The following KIF27 variants were observed in gnomAD, a reference collection of about 807,000 sequenced individuals.
KIF27 encodes the protein kinesin-like protein KIF27.
Under a neutral mutation model 141.8 loss-of-function variants are expected in KIF27, and 84 were observed. The observed-to-expected ratio is 0.59, with a 90% CI of 0.50 to 0.71. KIF27 has a LOEUF of 0.71. Among genes scored for constraint, KIF27 ranks in the 30% least tolerant of loss-of-function variants. The pLI, the probability that KIF27 is intolerant of heterozygous loss-of-function variation, is 0.00. For synonymous variants in KIF27, 471 were observed against 569.5 expected, an observed-to-expected ratio of 0.83 and a Z score of 2.46; for missense variants, 1,306 against 1,628.4, an observed-to-expected ratio of 0.80 and a Z score of 3.41.
At chr9:83,839,504 G>A (rs1403108119) in intron 17 of KIF27, among the ~76,000 whole-genome samples, 1 of 152,196 alleles carries the variant, frequency 6.6e-6, no homozygotes, top group Admixed American at 6.5e-5. Flanking sequence ...ATATAAAACT[G>A]ATTTTATCCT....
Position 83,915,399 on chromosome 9 carries a change from T to C in KIF27, c.193A>G (p.Ile65Val), listed in dbSNP as rs148934176. 26 of 1,613,766 alleles carry C rather than the reference T, an allele frequency of 1.6e-5. 2 individuals are homozygous for C. The African/African-American group carries it at 1.7e-4, about 11-fold the overall frequency. ...STQDEVYNTC[I>V]KPLVLSLIEG... Reference sequence around the variant, plus strand: ...ATGAGTGACAACACTAGGGGCTTTATACATGTGTTATAAACTTCATCTTGA... The same window carrying C: ...ATGAGTGACAACACTAGGGGCTTTACACATGTGTTATAAACTTCATCTTGA... Residue 65 changes from isoleucine to valine, a missense_variant, in exon 2 of 18, where the codon ATA becomes GTA. Physicochemically the swap from Ile to Val is conservative, Grantham distance 29. This residue lies in a region of KIF27 where 533 missense variants were observed against 565.6 expected (regional missense o/e 0.94). Transcript: ENST00000297814.
intron 16 of KIF27, chr9:83,849,445 T>C (rs1361106455): frequency 6.6e-6 from 1 of 152,256 alleles, no homozygotes; most frequent in Non-Finnish European, 1.5e-5. Flanking sequence ...GCAGCCTGAA[T>C]TGAAGGAGTA....
At chr9:83,915,193 T>C (rs573288338) in intron 2 of KIF27, 101 bp downstream of exon 2, 2 of 877,336 alleles carry the variant, frequency 2.3e-6, no homozygotes, top group Non-Finnish European at 3.5e-6. Context: ...TCCTTCACTA[T>C]TCAATCAATA....
In KIF27 at chr9:83,903,833, ATC is replaced by A; in HGVS notation, c.683_684del (p.Gly228ValfsTer31). 6.2e-7 allele frequency: 1 copy of A among 1,614,120 alleles called. No homozygotes were observed. Among genetic ancestry groups the A allele is most frequent in the Middle Eastern group, 1.6e-4 (1 of 6,062 alleles). On this transcript the variant is annotated frameshift_variant, in exon 4 of 18. Transcript: ENST00000297814. LOFTEE classifies it high-confidence loss of function. ...VHKNMEAAEDGSWYSPRHIVS... is the reference protein window; with the variant it reads ...VHKNMEAAEDXSWYSPRHIVS... ...ACAATATGCCGAGGGGAATACCATG[ATC>A]CATCTTCAGCTGCCTCCATATTTTT...
At chr9:83,852,516 C>A (rs1948728009) in intron 15 of KIF27, among the ~76,000 whole-genome samples, 1 of 151,996 alleles carries the variant, frequency 6.6e-6, no homozygotes, top group South Asian at 2.1e-4. Flanking sequence ...TCCAAACATG[C>A]AGCAATAGGA....
At chr9:83,904,763 C>T (rs1366188979) in intron 3 of KIF27, among the ~76,000 whole-genome samples, 2 of 151,120 alleles carry the variant, frequency 1.3e-5, no homozygotes, top group African/African-American at 2.4e-5. Context: ...AAAAGGCATT[C>T]GTTTTTTTTT....
intron 16 of KIF27, among the ~76,000 whole-genome samples, chr9:83,847,004 G>A (rs930495361): frequency 4.6e-5 from 7 of 152,106 alleles, no homozygotes; most frequent in African/African-American, 1.7e-4. Flanking sequence ...GATCCATTAG[G>A]GCGTCGCTTA....
Position 83,889,974 on chromosome 9 carries a change from G to C in KIF27, c.1810-721C>G, listed in dbSNP as rs561874419. 2.6e-3 allele frequency among the ~76,000 whole-genome samples: 403 copies of C among 152,166 alleles called. 3 individuals carry two copies. Among genetic ancestry groups the C allele is most frequent in the African/African-American group, 9.4e-3 (392 of 41,508 alleles). Reference sequence around the variant, plus strand: ...GAAATTGCCTTTATACCTTTGTTCTGGTTTCTATTACAAAATATTTCCTCT... The same window carrying C: ...GAAATTGCCTTTATACCTTTGTTCTCGTTTCTATTACAAAATATTTCCTCT... On this transcript the variant is annotated intron_variant, in intron 6 of 17. Transcript: ENST00000297814.
In KIF27 at chr9:83,915,550, A is replaced by G; in HGVS notation, c.42T>C (p.Pro14=). 2 of 1,613,176 alleles carry G rather than the reference A, an allele frequency of 1.2e-6. No homozygotes were observed. The highest frequency in any genetic ancestry group is 1.7e-6 in the Non-Finnish European group (2 of 1,179,656). The change falls in exon 2 of 18, where the codon CCT becomes CCC. Residue 14 remains proline (P), a synonymous_variant. Transcript: ENST00000297814. ...TATGAAGAGCTTCTTTGCAAAGCAG[A>G]GGTCTAATTCTTACAGCAACTTTTA... ...IPVKVAVRIR[P]LLCKEALHNH...
intron 11 of KIF27, among the ~76,000 whole-genome samples, chr9:83,876,815 T>A (rs550477245): frequency 6.6e-6 from 1 of 152,268 alleles, no homozygotes; most frequent in African/African-American, 2.4e-5. Context: ...GTGGCTCAGG[T>A]CTGTAATCCC....
chr9:83,893,316 A>T (rs560695403), intron 5 of KIF27, among the ~76,000 whole-genome samples: 4 of 152,288 alleles, frequency 2.6e-5, no homozygotes, highest in African/African-American at 9.6e-5. Context: ...TGTAGATTTG[A>T]ATAATAGGAT....
At chr9:83,859,534 T>C in intron 13 of KIF27, 163 bp from the exon 14 acceptor site, 1 of 594,326 alleles carries the variant, frequency 1.7e-6, no homozygotes, top group Non-Finnish European at 2.9e-6. Context: ...GTATTCATTT[T>C]CTTTTTTTGT....
rs572690183 is a variant in KIF27, at chr9:83,875,289, G to T, written c.2644-4657C>A. ...TTCATTGGATATGCATAAGAAAGAC[G>T]CAAGAGCCAATGATGATGCCTAAAT... On this transcript the variant is annotated intron_variant, in intron 11 of 17. Coordinates refer to ENST00000297814, the MANE Select transcript of KIF27 (RefSeq NM_017576.4). 2.8e-4 allele frequency among the ~76,000 whole-genome samples: 42 copies of T among 152,292 alleles called. 1 individual carries two copies. Among genetic ancestry groups the T allele is most frequent in the East Asian group, 1.2e-3 (6 of 5,188 alleles).
chr9:83,902,225 T>C (rs540270470), intron 4 of KIF27, among the ~76,000 whole-genome samples: 2 of 152,290 alleles, frequency 1.3e-5, no homozygotes, highest in Admixed American at 6.5e-5. Flanking sequence ...GGAAATATAC[T>C]TAACTATATT....
At chr9:83,885,777 G>A (rs756623073) in intron 9 of KIF27, among the ~76,000 whole-genome samples, 5 of 152,214 alleles carry the variant, frequency 3.3e-5, no homozygotes, top group East Asian at 3.9e-4. Context: ...GACTACAGGC[G>A]TGTGTCACCA....
chr9:83,843,619 T>G (rs963995982), intron 16 of KIF27, among the ~76,000 whole-genome samples: 2 of 152,242 alleles, frequency 1.3e-5, no homozygotes, highest in African/African-American at 4.8e-5. Flanking sequence ...CCATAAAGTA[T>G]GTCATATTAA....
intron 16 of KIF27, chr9:83,849,400 A>G (rs1232999512): frequency 6.6e-6 from 1 of 152,202 alleles, no homozygotes; most frequent in East Asian, 1.9e-4. Context: ...CTTTTGATCT[A>G]CTTTCAGCTA....
In KIF27 at chr9:83,903,087, C is replaced by G. The variant is rs147375672; in HGVS notation, c.1431G>C (p.Gln477His). The change falls in exon 4 of 18, where the codon CAG becomes CAC. Residue 477 changes from glutamine to histidine, a missense_variant. By Grantham distance (24) the Gln-to-His change is conservative. This residue lies in a region of KIF27 where 29 missense variants were observed against 60.3 expected (regional missense o/e 0.48). Transcript: ENST00000297814. ...EEGPQHVTVLQLKRELKKCQC... is the reference protein window; with the variant it reads ...EEGPQHVTVLHLKRELKKCQC... The stretch of plus-strand genomic sequence containing the variant: ...GGCATTTCTTAAGCTCTCTCTTCAG[C>G]TGGAGAACTGTAACATGCTGTGGTC... 466 of 1,613,468 alleles carry G rather than the reference C, an allele frequency of 2.9e-4. 5 individuals carry two copies. In the East Asian group the frequency reaches 0.01, roughly 35 times the overall value.
intron 16 of KIF27, among the ~76,000 whole-genome samples, chr9:83,848,082 A>C (rs567645936): frequency 0.029 from 2,246 of 77,504 alleles, 755 homozygotes; most frequent in African/African-American, 0.033. Flanking sequence ...TATATGATAT[A>C]TCATATATAT....
Sources: gnomAD v4.1 joint callset for allele counts (sites outside exome capture counted in the v4.1 genomes callset) on GRCh38, gnomAD v4.1.1 for gene constraint, gnomAD v4.1.1 regional missense constraint, MANE v1.5 for transcripts, NCBI Gene and HGNC (gene_info 2026-07-23, HGNC 2026-07-21) for gene names.